The following MTUS1 variants were observed in gnomAD, a reference collection of about 807,000 sequenced individuals.
MTUS1 encodes the protein microtubule associated scaffold protein 1.
A neutral mutation model predicts 120.8 loss-of-function variants in MTUS1; 109 were observed. The observed-to-expected ratio is 0.90, with a 90% CI of 0.77 to 1.06. The LOEUF (loss-of-function observed/expected upper bound fraction) is 1.06. MTUS1 is among the 50% of genes least tolerant of loss of function. The probability of loss-of-function intolerance (pLI) is 0.00; values close to 1 mark genes in which losing one functional copy is unlikely to be tolerated. For synonymous variants in MTUS1, 737 were observed against 550.5 expected, an observed-to-expected ratio of 1.34 and a Z score of -4.74; for missense variants, 2,210 against 1,486.3, an observed-to-expected ratio of 1.49 and a Z score of -8.01.
rs1422136783 is a variant in MTUS1, at chr8:17,754,520, T to C, written c.1288A>G (p.Thr430Ala). Residue 430 changes from threonine to alanine, a missense_variant, in exon 2 of 15, where the codon ACA becomes GCA. By Grantham distance (58) the Thr-to-Ala change is moderately conservative. Transcript: ENST00000693296. ...ISTDKTMCMS[T>A]PVLEPTKVTF... ...ACTTTTGTGGGTTCTAGGACTGGTG[T>C]TGACATGCACATCGTTTTGTCTGTG... is the stretch of plus-strand genomic sequence containing the variant. 2 of 1,614,240 alleles carry C rather than the reference T, an allele frequency of 1.2e-6. No homozygotes were observed. Among genetic ancestry groups the C allele is most frequent in the South Asian group, 1.1e-5 (1 of 91,084 alleles).
At chr8:17,762,728 T>G (rs1262032586) in intron 1 of MTUS1, among the ~76,000 whole-genome samples, 1 of 152,242 alleles carries the variant, frequency 6.6e-6, no homozygotes, top group Non-Finnish European at 1.5e-5. Context: ...AATTACATCC[T>G]TTTATTCTGA....
intron 6 of MTUS1, among the ~76,000 whole-genome samples, chr8:17,689,415 C>T (rs560281914): frequency 3.3e-5 from 5 of 152,174 alleles, no homozygotes; most frequent in African/African-American, 1.2e-4. Flanking sequence ...AAAGCATATT[C>T]GAGAATAGAA....
chr8:17,773,825 C>A (rs1285300851), intron 1 of MTUS1, among the ~76,000 whole-genome samples: 1 of 152,034 alleles, frequency 6.6e-6, no homozygotes, highest in Non-Finnish European at 1.5e-5. Context: ...TGACATGTCC[C>A]TCATCACTCC....
chr8:17,692,771 T>G (rs4921557), intron 6 of MTUS1, among the ~76,000 whole-genome samples: 63 of 152,084 alleles, frequency 4.1e-4, no homozygotes, highest in African/African-American at 1.3e-3. Context: ...AACTATTTAT[T>G]GTACAAGAAT....
intron 6 of MTUS1, among the ~76,000 whole-genome samples, chr8:17,689,974 A>C (rs981257108): frequency 1.5e-4 from 23 of 152,188 alleles, no homozygotes; most frequent in African/African-American, 5.5e-4. Context: ...GACGCAAGGA[A>C]TTCATGACTA....
chr8:17,753,967 T>C lies in MTUS1; in HGVS notation c.1841A>G (p.Asp614Gly), dbSNP rs767736192. Reference protein sequence around the residue: ...TTSAVKSNQEDVDKASSSNSA... With the variant: ...TTSAVKSNQEGVDKASSSNSA... Reference sequence around the variant, plus strand: ...GTTAGAAGAACTGGCTTTGTCAACATCTTCCTGATTCGATTTCACGGCAGA... The same window carrying C: ...GTTAGAAGAACTGGCTTTGTCAACACCTTCCTGATTCGATTTCACGGCAGA... The change falls in exon 2 of 15, where the codon GAT becomes GGT. Residue 614 changes from aspartate (D) to glycine (G), a missense_variant. Coordinates refer to ENST00000693296, the MANE Select transcript of MTUS1 (RefSeq NM_001363059.2). The C allele has an allele frequency of 4.3e-6, 7 of 1,614,088 alleles. No individual in the cohort carries two copies. Among genetic ancestry groups the C allele is most frequent in the East Asian group, 2.2e-5 (1 of 44,898 alleles).
Position 17,724,032 on chromosome 8 carries a change from C to T in MTUS1, c.2288-199G>A. On this transcript the variant is annotated intron_variant, in intron 3 of 14. Coordinates refer to ENST00000693296, the MANE Select transcript of MTUS1 (RefSeq NM_001363059.2). ...TTTTGATCATTTAGAGGCAAGAGAG[C>T]AGAAATGATGAGGCAATTAGGATAT... 2 of 574,276 alleles carry T rather than the reference C, an allele frequency of 3.5e-6. 1 individual carries two copies. The highest frequency in any genetic ancestry group is 6.2e-6 in the Non-Finnish European group (2 of 324,416). 35.6% of individuals were successfully genotyped at this position (574,276 alleles called of 1,614,324 possible). A position where few individuals can be genotyped will look rare whatever the true frequency, so the allele number is the denominator to read the frequency against.
In MTUS1 at chr8:17,684,579, A is replaced by T. The variant is rs780487902; in HGVS notation, c.2624-37T>A. 3.1e-5 allele frequency: 47 copies of T among 1,539,440 alleles called. No homozygotes were observed. The South Asian group carries it at 4.9e-4, about 16-fold the overall frequency. On this transcript the variant is annotated intron_variant, in intron 6 of 14. Coordinates refer to ENST00000693296, the MANE Select transcript of MTUS1 (RefSeq NM_001363059.2). ...ATTAACATAGGTACAAAGATAGGTG[A>T]GGTTAATTTTTAAAATCACCACCAC...
intron 6 of MTUS1, among the ~76,000 whole-genome samples, chr8:17,686,070 C>T (rs1815731898): frequency 6.6e-6 from 1 of 152,220 alleles, no homozygotes; most frequent in Admixed American, 6.5e-5. Flanking sequence ...TAACACATAA[C>T]AATTCCACAG....
chr8:17,681,679 C>G (rs935644668), intron 7 of MTUS1: 2 of 154,720 alleles, frequency 1.3e-5, no homozygotes, highest in African/African-American at 4.8e-5. Context: ...TCTTGCTTCT[C>G]CTCCATCTCT....
At chr8:17,703,765 G>A (rs1385561353) in intron 6 of MTUS1, among the ~76,000 whole-genome samples, 5 of 152,064 alleles carry the variant, frequency 3.3e-5, no homozygotes, top group African/African-American at 7.2e-5. Flanking sequence ...CTCAAATCCT[G>A]TTTTCTGTAA....
At position 17,755,715 on chromosome 8, in the gene MTUS1, C is replaced by T. The variant is rs202221377; in HGVS notation, c.93G>A (p.Pro31=). 3.3e-5 allele frequency: 54 copies of T among 1,613,990 alleles called. No homozygotes were observed. The highest frequency in any genetic ancestry group is 5.3e-5 in the African/African-American group (4 of 74,914). Residue 31 remains proline, a synonymous_variant, in exon 2 of 15, where the codon CCG becomes CCA. Coordinates refer to ENST00000693296, the MANE Select transcript of MTUS1 (RefSeq NM_001363059.2). The stretch of plus-strand genomic sequence containing the variant: ...AAGAGTTTTGTGTAGGTGGTGATTT[C>T]GGGTTGTATGCATGTGTATTTCCAT... ...DKDGNTHAYN[P]KSPPTQNSSA... is the part of the protein sequence containing the mutation.
At chr8:17,789,685 T>C (rs1324171121) in intron 1 of MTUS1, among the ~76,000 whole-genome samples, 1 of 152,212 alleles carries the variant, frequency 6.6e-6, no homozygotes, top group Non-Finnish European at 1.5e-5. Context: ...TTCTTGAAAA[T>C]GATTACCTAT....
At chr8:17,664,443 C>T (rs1482187248) in intron 8 of MTUS1, among the ~76,000 whole-genome samples, 4 of 151,720 alleles carry the variant, frequency 2.6e-5, no homozygotes, top group African/African-American at 9.7e-5. Context: ...CTGTGGGTGG[C>T]GACTCTCCCC....
At position 17,754,903 on chromosome 8, in the gene MTUS1, G is replaced by T; in HGVS notation, c.905C>A (p.Pro302His). The T allele has an allele frequency of 6.2e-7, 1 of 1,614,204 alleles. No homozygotes were observed. The highest frequency in any genetic ancestry group is 2.2e-5 in the East Asian group (1 of 44,880). The change falls in exon 2 of 15, where the codon CCC (proline) becomes CAC (histidine). Residue 302 changes from proline to histidine, a missense_variant. Coordinates refer to ENST00000693296, the MANE Select transcript of MTUS1 (RefSeq NM_001363059.2). The part of the protein sequence containing the change: ...LTPVSDGMEV[P>H]NDSALQEFFC... The stretch of plus-strand genomic sequence containing the variant: ...GAACTCTTGTAATGCAGAATCATTG[G>T]GGACTTCCATGCCATCAGAAACTGG...
intron 3 of MTUS1, among the ~76,000 whole-genome samples, chr8:17,728,701 G>A (rs919733661): frequency 8.5e-5 from 13 of 152,146 alleles, no homozygotes; most frequent in African/African-American, 3.1e-4. Flanking sequence ...GTTTACAGTT[G>A]GGTGAGACAT....
In MTUS1 at chr8:17,754,010, T is replaced by C. The variant is rs147125441; in HGVS notation, c.1798A>G (p.Arg600Gly). Reference sequence around the variant, plus strand: ...ACGGCAGATGTTGTTCTTGGAACCCTGTGTGAAGCATTTTTAGAATGAGTT... The same window carrying C: ...ACGGCAGATGTTGTTCTTGGAACCCCGTGTGAAGCATTTTTAGAATGAGTT... ...VTTHSKNASH[R>G]VPRTTSAVKS... Residue 600 changes from arginine (R) to glycine (G), a missense_variant, in exon 2 of 15, where the codon AGG (arginine) becomes GGG (glycine). Coordinates refer to ENST00000693296, the MANE Select transcript of MTUS1 (RefSeq NM_001363059.2). 4.7e-4 allele frequency: 754 copies of C among 1,614,198 alleles called. 5 individuals carry two copies. In the African/African-American group the frequency reaches 9.1e-3, roughly 19 times the overall value.
chr8:17,662,514 C>G (rs1224179622), intron 8 of MTUS1, among the ~76,000 whole-genome samples: 4 of 151,892 alleles, frequency 2.6e-5, no homozygotes, highest in African/African-American at 9.7e-5. Flanking sequence ...CACCACCACA[C>G]TTGGCTAATT....
At chr8:17,702,252 A>C (rs404553) in intron 6 of MTUS1, among the ~76,000 whole-genome samples, 95,044 of 152,046 alleles carry the variant, frequency 0.63, 29,906 homozygotes, top group Middle Eastern at 0.73. Context: ...CCAGGTGCTA[A>C]CATTAAGAAA....
Sources: gnomAD v4.1 joint callset for allele counts (sites outside exome capture counted in the v4.1 genomes callset) on GRCh38, gnomAD v4.1.1 for gene constraint, MANE v1.5 for transcripts, NCBI Gene and HGNC (gene_info 2026-07-23, HGNC 2026-07-21) for gene names.